Variants in FAM135A observed in about 807,000 individuals in gnomAD.
FAM135A encodes family with sequence similarity 135 member A, also known as protein FAM135A.
Under a neutral mutation model 146.8 loss-of-function variants are expected in FAM135A, and 79 were observed. The ratio of observed to expected loss-of-function variants is 0.54; its 90% CI spans 0.45 to 0.65. The LOEUF (loss-of-function observed/expected upper bound fraction) is 0.65. Ranked by LOEUF, FAM135A falls within the 30% of genes least tolerant of loss-of-function variation. The pLI is 0.00. For missense variants in FAM135A, 1,623 were observed against 1,758.2 expected, an observed-to-expected ratio of 0.92 and a Z score of 1.38; for synonymous variants, 562 against 603.6, an observed-to-expected ratio of 0.93 and a Z score of 1.01.
At chr6:70,538,825 A>G (rs897048064) in intron 20 of FAM135A, among the ~76,000 whole-genome samples, 2 of 145,342 alleles carry the variant, frequency 1.4e-5, no homozygotes, top group Non-Finnish European at 3.0e-5. Flanking sequence ...ATTATATTAT[A>G]TTATATTATA....
Position 70,525,083 on chromosome 6 carries a change from T to C in FAM135A, c.1999T>C (p.Phe667Leu), listed in dbSNP as rs540768792. The C allele has an allele frequency of 6.4e-7, 1 of 1,574,760 alleles. No individual in the cohort carries two copies. The highest frequency in any genetic ancestry group is 1.4e-5 in the African/African-American group (1 of 73,192). The change falls in exon 15 of 22, where the codon TTC becomes CTC. Residue 667 changes from phenylalanine to leucine, a missense_variant. This residue lies in a region of FAM135A where 1,061 missense variants were observed against 1,113.8 expected (regional missense o/e 0.95). Coordinates refer to ENST00000418814, the MANE Select transcript of FAM135A (RefSeq NM_001162529.3). ...IEIKPSNKDP[F>L]SGENITVKLG... ...AATAAAGCCCAGTAATAAAGATCCTTTCAGTGGAGAGAATATAACTGTCAA... is the reference window on the plus strand; with the variant it reads ...AATAAAGCCCAGTAATAAAGATCCTCTCAGTGGAGAGAATATAACTGTCAA...
At chr6:70,474,773 TTTA>T (rs1782292713) in intron 5 of FAM135A, among the ~76,000 whole-genome samples, 1 of 152,170 alleles carries the variant, frequency 6.6e-6, no homozygotes, top group South Asian at 2.1e-4. Flanking sequence ...GTTCAGAATT[TTTA>T]TTGATGTTTC....
chr6:70,458,904 C>T (rs548840000), intron 5 of FAM135A, among the ~76,000 whole-genome samples: 8 of 152,220 alleles, frequency 5.3e-5, no homozygotes, highest in South Asian at 2.1e-4. Context: ...GTAGTACTAA[C>T]GAGTTCTTAC....
chr6:70,535,062 C>A (rs1321852720), intron 18 of FAM135A, among the ~76,000 whole-genome samples: 1 of 152,082 alleles, frequency 6.6e-6, no homozygotes, highest in African/African-American at 2.4e-5. Flanking sequence ...ATTTATTCCT[C>A]CTCAAAAGTA....
At chr6:70,473,311 G>A (rs895572234) in intron 5 of FAM135A, among the ~76,000 whole-genome samples, 1 of 152,158 alleles carries the variant, frequency 6.6e-6, no homozygotes, top group Non-Finnish European at 1.5e-5. Flanking sequence ...GTGGAGGATA[G>A]TACTAAAGAC....
intron 21 of FAM135A, among the ~76,000 whole-genome samples, chr6:70,559,100 A>G (rs1184190979): frequency 6.6e-6 from 1 of 152,252 alleles, no homozygotes; most frequent in Non-Finnish European, 1.5e-5. Context: ...GTGACTTAAC[A>G]TTAAAGAAAA....
At position 70,526,427 on chromosome 6, in the gene FAM135A, C is replaced by T. The variant is rs1794700773; in HGVS notation, c.3343C>T (p.His1115Tyr). ...YSALDGTINA[H>Y]YTSRDELMEE... Reference sequence around the variant, plus strand: ...AGCTTTGGATGGAACAATAAATGCTCACTATACAAGCAGAGATGAACTAAT... The same window carrying T: ...AGCTTTGGATGGAACAATAAATGCTTACTATACAAGCAGAGATGAACTAAT... The change falls in exon 15 of 22, where the codon CAC (histidine) becomes TAC (tyrosine). Residue 1115 changes from histidine (H) to tyrosine (Y), a missense_variant. Coordinates refer to ENST00000418814, the MANE Select transcript of FAM135A (RefSeq NM_001162529.3). The T allele has an allele frequency of 6.2e-7, 1 of 1,613,488 alleles. No homozygotes were observed. The highest frequency in any genetic ancestry group is 8.5e-7 in the Non-Finnish European group (1 of 1,179,668).
At chr6:70,522,492 C>T in intron 12 of FAM135A, 21 bp from the exon 13 acceptor site, 1 of 1,609,538 alleles carries the variant, frequency 6.2e-7, no homozygotes, top group African/African-American at 1.3e-5. Flanking sequence ...GTTATTAATA[C>T]TCTCCTTTGG....
chr6:70,420,852 A>G (rs1768655816), intron 2 of FAM135A, among the ~76,000 whole-genome samples: 1 of 151,614 alleles, frequency 6.6e-6, no homozygotes, highest in Admixed American at 6.6e-5. Context: ...TGTATACTTT[A>G]TACTTACAGC....
chr6:70,552,660 G>A (rs1800059985), intron 20 of FAM135A, among the ~76,000 whole-genome samples: 1 of 151,830 alleles, frequency 6.6e-6, no homozygotes, highest in African/African-American at 2.4e-5. Flanking sequence ...GGTAGAGACG[G>A]GGTTTCACCA....
intron 20 of FAM135A, among the ~76,000 whole-genome samples, chr6:70,546,052 T>C (rs868549711): frequency 6.6e-6 from 1 of 150,866 alleles, no homozygotes; most frequent in Non-Finnish European, 1.5e-5. Flanking sequence ...GGTTTTGGGG[T>C]TTTTTTTTCG....
chr6:70,526,467 C>G lies in FAM135A; in HGVS notation c.3383C>G (p.Thr1128Arg). ...SRDELMEERLTKSEKINSDYL... is the reference protein window; with the variant it reads ...SRDELMEERLRKSEKINSDYL... ...GATGAACTAATGGAAGAAAGACTTA[C>G]AAAATCTGAAAAAATAAACAGTGAC... Residue 1128 changes from threonine to arginine, a missense_variant, in exon 15 of 22, where the codon ACA becomes AGA. Thr to Arg is a moderately conservative substitution (Grantham distance 71). This residue lies in a region of FAM135A where 1,061 missense variants were observed against 1,113.8 expected (regional missense o/e 0.95). Coordinates refer to ENST00000418814, the MANE Select transcript of FAM135A (RefSeq NM_001162529.3). 6.2e-7 allele frequency: 1 copy of G among 1,613,160 alleles called. No individual in the cohort carries two copies. The highest frequency in any genetic ancestry group is 8.5e-7 in the Non-Finnish European group (1 of 1,179,556).
At chr6:70,555,288 C>T (rs1800619501) in intron 20 of FAM135A, among the ~76,000 whole-genome samples, 1 of 151,994 alleles carries the variant, frequency 6.6e-6, no homozygotes, top group African/African-American at 2.4e-5. Context: ...TTTTTAGAGA[C>T]AAGCTCTTGC....
intron 5 of FAM135A, among the ~76,000 whole-genome samples, chr6:70,458,399 AT>A (rs1387845665): frequency 6.6e-6 from 1 of 152,116 alleles, no homozygotes; most frequent in East Asian, 1.9e-4. Flanking sequence ...TAATTCTCTA[AT>A]TTATGATAAC....
chr6:70,500,488 C>G (rs537033489), intron 11 of FAM135A, among the ~76,000 whole-genome samples: 1 of 152,154 alleles, frequency 6.6e-6, no homozygotes, highest in Non-Finnish European at 1.5e-5. Context: ...TCTGTCAATT[C>G]GTCAGTCTCA....
chr6:70,448,650 G>A (rs1359323017), intron 4 of FAM135A, among the ~76,000 whole-genome samples: 1 of 152,144 alleles, frequency 6.6e-6, no homozygotes, highest in Admixed American at 6.5e-5. Flanking sequence ...GAGTCTCACA[G>A]CCTTCAGAGC....
At chr6:70,414,520 C>G (rs921322736) in intron 1 of FAM135A, among the ~76,000 whole-genome samples, 2 of 151,862 alleles carry the variant, frequency 1.3e-5, no homozygotes, top group African/African-American at 2.4e-5. Flanking sequence ...CACCCTCCCC[C>G]CCCCATTTGT....
chr6:70,466,935 TAAGG>T (rs1780578937), intron 5 of FAM135A, among the ~76,000 whole-genome samples: 1 of 152,312 alleles, frequency 6.6e-6, no homozygotes, highest in Admixed American at 6.5e-5. Flanking sequence ...GTAGATTAGC[TAAGG>T]AAGAGGATCT....
intron 20 of FAM135A, among the ~76,000 whole-genome samples, chr6:70,542,166 C>G (rs1370609537): frequency 6.6e-6 from 1 of 151,952 alleles, no homozygotes; most frequent in Non-Finnish European, 1.5e-5. Context: ...TTGTGGTATT[C>G]ACAGTGAAGT....
Sources: gnomAD v4.1 joint callset for allele counts (sites outside exome capture counted in the v4.1 genomes callset) on GRCh38, gnomAD v4.1.1 for gene constraint, gnomAD v4.1.1 regional missense constraint, MANE v1.5 for transcripts, NCBI Gene and HGNC (gene_info 2026-07-23, HGNC 2026-07-21) for gene names.